The following RBFOX1 variants were observed in gnomAD, a reference collection of about 807,000 sequenced individuals.
The protein encoded by RBFOX1 is RNA binding protein fox-1 homolog 1.
RBFOX1 carries 8 observed loss-of-function variants against 57.7 expected under a neutral mutation model. The observed-to-expected ratio is 0.14, with a 90% CI of 0.08 to 0.25. The LOEUF is 0.25. Among genes scored for constraint, RBFOX1 ranks in the 10% least tolerant of loss-of-function variants. RBFOX1 has a pLI of 1.00. For synonymous variants in RBFOX1, 326 were observed against 222.4 expected, an observed-to-expected ratio of 1.47 and a Z score of -4.15; for missense variants, 611 against 548.5, an observed-to-expected ratio of 1.11 and a Z score of -1.14.
intron 4 of RBFOX1, among the ~76,000 whole-genome samples, chr16:7,170,446 TC>T (rs1390540738): frequency 1.3e-5 from 2 of 151,970 alleles, no homozygotes; most frequent in Non-Finnish European, 2.9e-5. Flanking sequence ...TAATTAAAAT[TC>T]TTTTTTTTTT....
intron 3 of RBFOX1, among the ~76,000 whole-genome samples, chr16:6,738,089 A>T (rs1206906045): frequency 6.6e-6 from 1 of 152,024 alleles, no homozygotes; most frequent in Non-Finnish European, 1.5e-5. Flanking sequence ...TAAAAAAAAA[A>T]AAAAGTCAGG....
At chr16:5,967,223 G>T (rs1255043234) in intron 4 of RBFOX1, among the ~76,000 whole-genome samples, 1 of 152,040 alleles carries the variant, frequency 6.6e-6, no homozygotes, top group Non-Finnish European at 1.5e-5. Flanking sequence ...CTAGACCAGA[G>T]GTCTGAAAGC....
chr16:6,260,873 C>A (rs940983066), intron 1 of RBFOX1, among the ~76,000 whole-genome samples: 1 of 151,690 alleles, frequency 6.6e-6, no homozygotes, highest in Non-Finnish European at 1.5e-5. Context: ...AGTGCAAGAC[C>A]CTGTCTCAAA....
At chr16:6,516,389 A>G (rs1009859573) in intron 2 of RBFOX1, among the ~76,000 whole-genome samples, 10 of 152,230 alleles carry the variant, frequency 6.6e-5, no homozygotes, top group Non-Finnish European at 1.2e-4. Context: ...CCCATATCAC[A>G]TAGTTGTAAG....
At position 5,447,018 on chromosome 16, in the gene RBFOX1, G is replaced by A. The variant is rs77630137; in HGVS notation, c.220-20198G>A. ...CTGAATCCATACCAGCACATTTCCT[G>A]GTATGTAGAAGCACCCAATAGATGC... On this transcript the variant is annotated intron_variant, in intron 1 of 2. Transcript: ENST00000585867. 5.5e-3 allele frequency among the ~76,000 whole-genome samples: 841 copies of A among 152,208 alleles called. 6 individuals carry two copies. Among genetic ancestry groups the A allele is most frequent in the African/African-American group, 0.02 (813 of 41,522 alleles).
At chr16:6,938,020 C>T (rs975966654) in intron 3 of RBFOX1, among the ~76,000 whole-genome samples, 9 of 151,442 alleles carry the variant, frequency 5.9e-5, no homozygotes, top group Non-Finnish European at 8.8e-5. Flanking sequence ...TTTTGGTTTA[C>T]GCAAGTCTGT....
At chr16:5,470,076 G>A (rs679125) in intron 2 of RBFOX1, among the ~76,000 whole-genome samples, 49,089 of 152,070 alleles carry the variant, frequency 0.32, 8,272 homozygotes, top group South Asian at 0.45. Flanking sequence ...GAGGTGCCAG[G>A]CTGTCACCAT....
chr16:7,662,147 A>C (rs4787054), intron 12 of RBFOX1, among the ~76,000 whole-genome samples: 1 of 152,224 alleles, frequency 6.6e-6, no homozygotes, highest in African/African-American at 2.4e-5. Flanking sequence ...CCTGGGATCA[A>C]TTCTTCTCTC....
At chr16:5,491,652 C>T (rs1357334724) in intron 2 of RBFOX1, among the ~76,000 whole-genome samples, 1 of 152,186 alleles carries the variant, frequency 6.6e-6, no homozygotes, top group African/African-American at 2.4e-5. Flanking sequence ...GCCTTTCAAA[C>T]GTGCACCAGG....
intron 4 of RBFOX1, among the ~76,000 whole-genome samples, chr16:5,952,126 C>T (rs1273190686): frequency 6.7e-6 from 1 of 149,422 alleles, no homozygotes; most frequent in African/African-American, 2.5e-5. Flanking sequence ...TACACACACA[C>T]ATATATATAT....
intron 1 of RBFOX1, among the ~76,000 whole-genome samples, chr16:6,117,934 G>T (rs976134565): frequency 7.2e-5 from 11 of 152,066 alleles, no homozygotes; most frequent in African/African-American, 2.7e-4. Flanking sequence ...TAATTTTGTT[G>T]GTGATAAAGC....
intron 3 of RBFOX1, among the ~76,000 whole-genome samples, chr16:5,683,144 G>A (rs2050395701): frequency 6.6e-6 from 1 of 151,732 alleles, no homozygotes; most frequent in African/African-American, 2.4e-5. Context: ...GTGTGTTGGG[G>A]GTGGAGGTGG....
At chr16:7,133,040 C>A (rs550268115) in intron 4 of RBFOX1, among the ~76,000 whole-genome samples, 1 of 151,968 alleles carries the variant, frequency 6.6e-6, no homozygotes, top group Non-Finnish European at 1.5e-5. Flanking sequence ...AAATCATGTG[C>A]CTTGGTATTT....
At chr16:7,615,433 C>G (rs578147519) in intron 10 of RBFOX1, among the ~76,000 whole-genome samples, 1 of 152,072 alleles carries the variant, frequency 6.6e-6, no homozygotes, top group Non-Finnish European at 1.5e-5. Context: ...CATATATGTA[C>G]GTAAATTAGA....
chr16:6,578,491 T>C (rs1216835636), intron 2 of RBFOX1, among the ~76,000 whole-genome samples: 1 of 151,660 alleles, frequency 6.6e-6, no homozygotes, highest in African/African-American at 2.4e-5. Context: ...TAAAAATCCA[T>C]GGTAAAATGA....
Position 7,626,858 on chromosome 16 carries a change from C to T in RBFOX1, c.677-3745C>T, listed in dbSNP as rs373531109. ...TATAATTCAATCATATGCATTAATC[C>T]TTCTGAGGATCAGGTATTTTCCTAG... On this transcript the variant is annotated intron_variant, in intron 10 of 15. Transcript: ENST00000550418. Among the ~76,000 whole-genome samples the T allele has an allele frequency of 3.9e-5, 6 of 152,220 alleles. No individual in the cohort carries two copies. In the East Asian group the frequency reaches 9.7e-4, roughly 24 times the overall value.
chr16:6,260,852 G>T (rs917472258), intron 1 of RBFOX1, among the ~76,000 whole-genome samples: 11 of 151,992 alleles, frequency 7.2e-5, no homozygotes, highest in Admixed American at 6.6e-4. Context: ...CTTCCTTCCA[G>T]CCTGGGCAAC....
intron 4 of RBFOX1, among the ~76,000 whole-genome samples, chr16:7,071,900 C>T (rs919995798): frequency 6.6e-6 from 1 of 152,112 alleles, no homozygotes; most frequent in South Asian, 2.1e-4. Context: ...AGACCAGAAG[C>T]TCAGCTGTTG....
intron 4 of RBFOX1, among the ~76,000 whole-genome samples, chr16:7,223,716 A>T: frequency 6.7e-6 from 1 of 148,838 alleles, no homozygotes; most frequent in South Asian, 2.1e-4. Flanking sequence ...GTTTCAGAAA[A>T]AAAAAAAAAA....
Sources: gnomAD v4.1 joint callset for allele counts (sites outside exome capture counted in the v4.1 genomes callset) on GRCh38, gnomAD v4.1.1 for gene constraint, MANE v1.5 for transcripts, NCBI Gene and HGNC (gene_info 2026-07-23, HGNC 2026-07-21) for gene names.